CDH18: variants seen among roughly 807,000 people sequenced by gnomAD.
CDH18 encodes the protein cadherin-18.
In CDH18, 31 loss-of-function variants were observed where a neutral mutation model predicts 67.9. The observed-to-expected ratio is 0.46, with a 90% CI of 0.34 to 0.62. CDH18 has a LOEUF of 0.62. CDH18 is among the 20% of genes least tolerant of loss of function. The pLI is 0.01. For synonymous variants in CDH18, 362 were observed against 347.2 expected (o/e 1.04, Z -0.48); for missense variants, 890 against 975.5 (o/e 0.91, Z 1.17).
At chr5:19,821,677 C>T (rs1194277517) in intron 3 of CDH18, among the ~76,000 whole-genome samples, 1 of 151,980 alleles carries the variant, frequency 6.6e-6, no homozygotes, top group Non-Finnish European at 1.5e-5. Context: ...TTTCCAAGGT[C>T]AAAGTGAAAG....
chr5:20,540,466 A>G (rs984242792), intron 1 of CDH18, among the ~76,000 whole-genome samples: 2 of 152,300 alleles, frequency 1.3e-5, no homozygotes, highest in Non-Finnish European at 1.5e-5. Flanking sequence ...GTTTTAAGAC[A>G]TATATATGTA....
At chr5:20,272,639 G>A (rs1745520894) in intron 1 of CDH18, among the ~76,000 whole-genome samples, 1 of 151,864 alleles carries the variant, frequency 6.6e-6, no homozygotes, top group Non-Finnish European at 1.5e-5. Context: ...TAAAACTGAA[G>A]CTAAATGTAA....
At chr5:20,370,463 T>A (rs946169928) in intron 1 of CDH18, among the ~76,000 whole-genome samples, 2 of 152,140 alleles carry the variant, frequency 1.3e-5, no homozygotes, top group Non-Finnish European at 2.9e-5. Flanking sequence ...TGAGGCTTTT[T>A]GTCTAGTGTT....
At chr5:20,126,496 A>G (rs1299545448) in intron 2 of CDH18, among the ~76,000 whole-genome samples, 1 of 152,212 alleles carries the variant, frequency 6.6e-6, no homozygotes, top group Non-Finnish European at 1.5e-5. Flanking sequence ...CATTACTGCA[A>G]AGGAAACAAT....
intron 2 of CDH18, among the ~76,000 whole-genome samples, chr5:20,207,313 C>T (rs1467147343): frequency 1.3e-5 from 2 of 151,554 alleles, no homozygotes; most frequent in Admixed American, 6.6e-5. Context: ...AACTATAAAA[C>T]ACCAATGAAA....
At chr5:20,420,448 G>T (rs1252318824) in intron 1 of CDH18, among the ~76,000 whole-genome samples, 2 of 151,020 alleles carry the variant, frequency 1.3e-5, no homozygotes, top group Non-Finnish European at 2.9e-5. Flanking sequence ...ATATTTAATA[G>T]ATTTTAACGT....
chr5:19,590,499 T>TAGATAGATAGATAGAC (rs1554054173), intron 7 of CDH18, among the ~76,000 whole-genome samples: 1 of 151,828 alleles, frequency 6.6e-6, no homozygotes, highest in African/African-American at 2.4e-5. Flanking sequence ...GATAGATAGA[T>TAGATAGATAGATAGAC]AGATAGATAG....
intron 2 of CDH18, among the ~76,000 whole-genome samples, chr5:20,168,265 A>C (rs1736448722): frequency 6.6e-6 from 1 of 152,118 alleles, no homozygotes; most frequent in African/African-American, 2.4e-5. Flanking sequence ...TACATATATA[A>C]AATTATTATA....
intron 4 of CDH18, among the ~76,000 whole-genome samples, chr5:19,726,741 C>A (rs1399212461): frequency 1.3e-5 from 2 of 152,106 alleles, no homozygotes; most frequent in African/African-American, 4.8e-5. Flanking sequence ...TTATATTAGA[C>A]AAAAGTGTGT....
intron 1 of CDH18, among the ~76,000 whole-genome samples, chr5:20,557,699 A>G (rs1043653182): frequency 1.3e-5 from 2 of 152,108 alleles, no homozygotes; most frequent in African/African-American, 4.8e-5. Context: ...TGGTTCAAAC[A>G]AATGAGAAAA....
intron 2 of CDH18, among the ~76,000 whole-genome samples, chr5:19,931,539 T>C (rs1793697578): frequency 6.6e-6 from 1 of 151,916 alleles, no homozygotes. Flanking sequence ...ACTGATTCCT[T>C]TAACTTCTCA....
At chr5:19,654,445 G>C (rs1197285828) in intron 5 of CDH18, among the ~76,000 whole-genome samples, 1 of 152,172 alleles carries the variant, frequency 6.6e-6, no homozygotes, top group African/African-American at 2.4e-5. Flanking sequence ...CCCTTTGCAG[G>C]ATGTGTCACA....
chr5:20,531,494 C>G (rs1238404199), intron 1 of CDH18, among the ~76,000 whole-genome samples: 3 of 151,984 alleles, frequency 2.0e-5, no homozygotes, highest in African/African-American at 7.3e-5. Context: ...AATCCAAATG[C>G]CCATCAATGA....
chr5:19,755,458 TACACACACACACACACATACATAG>T (rs1771456756), intron 3 of CDH18, among the ~76,000 whole-genome samples: 10 of 9,372 alleles, frequency 1.1e-3, no homozygotes, highest in Admixed American at 1.7e-3. Context: ...TATATATATA[TACACACACACACACACATACATAG>T]ATATATACAC....
chr5:20,209,799 G>A (rs1384797178), intron 2 of CDH18, among the ~76,000 whole-genome samples: 1 of 141,958 alleles, frequency 7.0e-6, no homozygotes, highest in Non-Finnish European at 1.5e-5. Flanking sequence ...GAAGATACTG[G>A]GGAGCCCAAT....
At chr5:19,893,059 C>A (rs1241535439) in intron 2 of CDH18, among the ~76,000 whole-genome samples, 2 of 152,078 alleles carry the variant, frequency 1.3e-5, no homozygotes, top group Non-Finnish European at 2.9e-5. Flanking sequence ...GTGATTAGGT[C>A]ATGAGAGTGA....
At chr5:20,477,385 T>C (rs1483044264) in intron 1 of CDH18, among the ~76,000 whole-genome samples, 2 of 152,158 alleles carry the variant, frequency 1.3e-5, no homozygotes, top group African/African-American at 4.8e-5. Flanking sequence ...AAGGGGGAAC[T>C]GAAAACAGTA....
chr5:20,156,895 A>G (rs757090641), intron 2 of CDH18, among the ~76,000 whole-genome samples: 13 of 152,232 alleles, frequency 8.5e-5, no homozygotes, highest in African/African-American at 3.1e-4. Flanking sequence ...TAAAATGCCA[A>G]TACATCTAAC....
chr5:20,145,580 G>T (rs1274323374), intron 2 of CDH18, among the ~76,000 whole-genome samples: 1 of 152,114 alleles, frequency 6.6e-6, no homozygotes, highest in South Asian at 2.1e-4. Flanking sequence ...TTAAAAAATA[G>T]CTTCACAGCA....
Sources: gnomAD v4.1 joint callset for allele counts (sites outside exome capture counted in the v4.1 genomes callset) on GRCh38, gnomAD v4.1.1 for gene constraint, MANE v1.5 for transcripts, NCBI Gene and HGNC (gene_info 2026-07-23, HGNC 2026-07-21) for gene names.